Variants in BLNK observed in about 807,000 individuals in gnomAD.
BLNK encodes the protein B-cell linker protein.
Under a neutral mutation model 73.5 loss-of-function variants are expected in BLNK, and 29 were observed. The observed-to-expected ratio is 0.39, with a 90% CI of 0.29 to 0.54. The LOEUF is 0.54. Ranked by LOEUF, BLNK falls within the 20% of genes least tolerant of loss-of-function variation. The pLI is 0.61. For missense variants in BLNK, 460 were observed against 562.8 expected (o/e 0.82, Z 1.85); for synonymous variants, 176 against 200.8 (o/e 0.88, Z 1.04).
chr10:96,233,791 G>C (rs963308588), intron 3 of BLNK, among the ~76,000 whole-genome samples: 11 of 152,182 alleles, frequency 7.2e-5, no homozygotes, highest in African/African-American at 2.4e-4. Context: ...ATGTCTCTCT[G>C]TACTGAAAAT....
chr10:96,248,748 A>G (rs782705059), intron 1 of BLNK, among the ~76,000 whole-genome samples: 13 of 152,220 alleles, frequency 8.5e-5, no homozygotes, highest in Non-Finnish European at 1.5e-4. Context: ...TTAAAAGGGA[A>G]CTAGTTAAAT....
At chr10:96,192,195 C>T (rs781923122) in intron 16 of BLNK, 103 bp from the exon 17 acceptor site, 5 of 1,480,732 alleles carry the variant, frequency 3.4e-6, no homozygotes, top group South Asian at 2.3e-5. Flanking sequence ...AAAGTTATTA[C>T]ACCCCAGCTG....
intron 1 of BLNK, among the ~76,000 whole-genome samples, chr10:96,247,342 G>A (rs1173447999): frequency 6.6e-6 from 1 of 152,196 alleles, no homozygotes; most frequent in Non-Finnish European, 1.5e-5. Flanking sequence ...CATTGTCTTA[G>A]AGCATCTACG....
Position 96,271,533 on chromosome 10 carries a change from C to G in BLNK, c.-135G>C. The G allele has an allele frequency of 1.1e-6, 1 of 899,370 alleles. No homozygotes were observed. Among genetic ancestry groups the G allele is most frequent in the Non-Finnish European group, 1.8e-6 (1 of 544,978 alleles). The allele number at this position is 899,370 out of a possible 1,614,324, so 55.7% of individuals were successfully genotyped here. ...CACTCAAGTCTGATTTCTGAGAGTGCAGGCTGCTGGCAAACACCCCTGCTC... is the reference window on the plus strand; with the variant it reads ...CACTCAAGTCTGATTTCTGAGAGTGGAGGCTGCTGGCAAACACCCCTGCTC... On this transcript the variant is annotated 5_prime_UTR_variant, in exon 1 of 17. Coordinates refer to ENST00000224337, the MANE Select transcript of BLNK (RefSeq NM_013314.4).
intron 16 of BLNK, among the ~76,000 whole-genome samples, chr10:96,195,791 T>C (rs2083450465): frequency 6.6e-6 from 1 of 152,188 alleles, no homozygotes; most frequent in Non-Finnish European, 1.5e-5. Context: ...ATGGTAAATT[T>C]TATATGTGGT....
chr10:96,192,126 G>C, intron 16 of BLNK, 34 bp from the exon 17 acceptor site: 1 of 1,611,992 alleles, frequency 6.2e-7, no homozygotes, highest in South Asian at 1.1e-5. Flanking sequence ...ATTATACTTT[G>C]GCATTTGTGT....
intron 6 of BLNK, 31 bp from the exon 7 acceptor site, chr10:96,216,765 A>G (rs367572072): frequency 6.3e-7 from 1 of 1,579,094 alleles, no homozygotes; most frequent in African/African-American, 1.3e-5. Context: ...AATGAGAAGA[A>G]TGCTGTACAT....
chr10:96,206,929 A>C (rs782247766), intron 11 of BLNK, 82 bp downstream of exon 11: 325 of 1,407,952 alleles, frequency 2.3e-4, no homozygotes, highest in Non-Finnish European at 3.1e-4. Context: ...CCCCAAAAAT[A>C]ATGTAATAAA....
intron 4 of BLNK, among the ~76,000 whole-genome samples, chr10:96,228,967 G>GTATATA (rs35240613): frequency 1.3e-5 from 2 of 151,116 alleles, no homozygotes; most frequent in Middle Eastern, 3.4e-3. Context: ...TACATAGTAG[G>GTATATA]TATATATATA....
chr10:96,233,915 C>T (rs587617970), intron 3 of BLNK, among the ~76,000 whole-genome samples: 1 of 152,322 alleles, frequency 6.6e-6, no homozygotes, highest in South Asian at 2.1e-4. Context: ...AGGATAGCAA[C>T]AATAGATTCC....
Position 96,223,972 on chromosome 10 carries a change from T to C in BLNK, c.379A>G (p.Arg127Gly). The change falls in exon 6 of 17, where the codon AGG becomes GGG. Residue 127 changes from arginine (R) to glycine (G), a missense_variant. Physicochemically the swap from Arg to Gly is moderately radical, Grantham distance 125. Transcript: ENST00000224337. ...GEYIDNRSSQ[R>G]HSPPFSKTLP... is the part of the protein sequence containing the mutation. Reference sequence around the variant, plus strand: ...GTCTTGCTGAAGGGTGGGGAATGCCTCTGGCTTGATCGATTGTCTTGAAAG... The same window carrying C: ...GTCTTGCTGAAGGGTGGGGAATGCCCCTGGCTTGATCGATTGTCTTGAAAG... The C allele has an allele frequency of 6.2e-7, 1 of 1,612,958 alleles. No homozygotes were observed. Among genetic ancestry groups the C allele is most frequent in the Non-Finnish European group, 8.5e-7 (1 of 1,180,008 alleles).
intron 8 of BLNK, among the ~76,000 whole-genome samples, chr10:96,213,985 G>T (rs1419978824): frequency 6.6e-6 from 1 of 152,178 alleles, no homozygotes; most frequent in Non-Finnish European, 1.5e-5. Context: ...TGAAGAAAGT[G>T]AATAATTTCA....
chr10:96,215,537 A>C, intron 7 of BLNK, 148 bp from the exon 8 acceptor site: 1 of 619,046 alleles, frequency 1.6e-6, no homozygotes, highest in Non-Finnish European at 2.8e-6. Context: ...CTTATTAGAC[A>C]CACAAACCAA....
intron 1 of BLNK, among the ~76,000 whole-genome samples, chr10:96,255,408 T>G (rs1413318421): frequency 2.6e-5 from 4 of 152,220 alleles, no homozygotes; most frequent in Admixed American, 6.5e-5. Context: ...AAAAGTTTAG[T>G]AGAAATAAGA....
At chr10:96,239,272 C>T (rs1329791645) in intron 3 of BLNK, 3 of 397,508 alleles carry the variant, frequency 7.5e-6, no homozygotes, top group Admixed American at 8.8e-5. Flanking sequence ...GGGCCCTGAG[C>T]CCCAGAGATC....
intron 2 of BLNK, among the ~76,000 whole-genome samples, chr10:96,243,255 C>T (rs56012557): frequency 0.037 from 5,610 of 152,238 alleles, 177 homozygotes; most frequent in African/African-American, 0.083. Context: ...ATTTTAAAAA[C>T]GCAAATAAGC....
chr10:96,235,569 A>C (rs34132000), intron 3 of BLNK, among the ~76,000 whole-genome samples: 107,450 of 151,834 alleles, frequency 0.71, 40,751 homozygotes, highest in Non-Finnish European at 0.84. Flanking sequence ...GAGACTGGGA[A>C]AACTCAGGGC....
At chr10:96,245,548 C>T (rs1554907413) in intron 2 of BLNK, among the ~76,000 whole-genome samples, 1 of 152,050 alleles carries the variant, frequency 6.6e-6, no homozygotes, top group African/African-American at 2.4e-5. Flanking sequence ...TTCAAATCCC[C>T]CCTTAAAGAT....
intron 10 of BLNK, among the ~76,000 whole-genome samples, chr10:96,207,513 A>G (rs747259): frequency 0.4 from 61,419 of 152,064 alleles, 13,317 homozygotes; most frequent in Non-Finnish European, 0.49. Context: ...CCAGAATCTG[A>G]GTTTAGTGAG....
Sources: allele counts gnomAD v4.1 joint callset (sites outside exome capture counted in the v4.1 genomes callset), GRCh38; gene constraint gnomAD v4.1.1; transcripts MANE v1.5; gene names NCBI Gene and HGNC (gene_info 2026-07-23, HGNC 2026-07-21).